ATF6: variants seen among roughly 807,000 people sequenced by gnomAD.
ATF6 encodes cyclic AMP-dependent transcription factor ATF-6 alpha.
ATF6 carries 53 observed loss-of-function variants against 83.6 expected under a neutral mutation model. The ratio of observed to expected loss-of-function variants is 0.63; its 90% CI spans 0.51 to 0.80. The LOEUF (loss-of-function observed/expected upper bound fraction) is 0.80, where lower values mean the gene tolerates loss of function less well. ATF6 is among the 30% of genes least tolerant of loss of function. The pLI, the probability that ATF6 is intolerant of heterozygous loss-of-function variation, is 0.00. For missense variants in ATF6, 744 were observed against 797.9 expected, an observed-to-expected ratio of 0.93 and a Z score of 0.81; for synonymous variants, 288 against 285.8, an observed-to-expected ratio of 1.01 and a Z score of -0.08.
At chr1:161,943,804 C>T (rs1688697472) in intron 15 of ATF6, among the ~76,000 whole-genome samples, 1 of 152,310 alleles carries the variant, frequency 6.6e-6, no homozygotes, top group Non-Finnish European at 1.5e-5. Flanking sequence ...AGTCTAGCCC[C>T]TAACATGTCA....
chr1:161,867,001 A>G (rs550079463), intron 14 of ATF6, among the ~76,000 whole-genome samples: 1 of 152,224 alleles, frequency 6.6e-6, no homozygotes, highest in African/African-American at 2.4e-5. Flanking sequence ...CTTATTTTAA[A>G]AATACTTTTG....
intron 15 of ATF6, among the ~76,000 whole-genome samples, chr1:161,926,211 G>C (rs1422334938): frequency 1.3e-5 from 2 of 152,172 alleles, no homozygotes; most frequent in Non-Finnish European, 2.9e-5. Flanking sequence ...AATAGATGAT[G>C]GGTAGTTCAT....
intron 14 of ATF6, among the ~76,000 whole-genome samples, chr1:161,885,927 T>C (rs757717618): frequency 6.6e-6 from 1 of 152,236 alleles, no homozygotes; most frequent in Non-Finnish European, 1.5e-5. Flanking sequence ...GTTTGAAGCA[T>C]TTAGTGTCCT....
chr1:161,781,489 G>T (rs1684634543), intron 2 of ATF6, among the ~76,000 whole-genome samples: 1 of 152,012 alleles, frequency 6.6e-6, no homozygotes, highest in Admixed American at 6.5e-5. Context: ...CCTGTCTTTT[G>T]GATATATCTA....
chr1:161,787,859 T>G (rs1684778899), intron 4 of ATF6, among the ~76,000 whole-genome samples: 1 of 152,240 alleles, frequency 6.6e-6, no homozygotes, highest in Admixed American at 6.5e-5. Context: ...TTTAAATTTA[T>G]GTAAATGGCA....
chr1:161,906,091 C>G (rs756261143), intron 14 of ATF6, among the ~76,000 whole-genome samples: 1 of 152,096 alleles, frequency 6.6e-6, no homozygotes, highest in Non-Finnish European at 1.5e-5. Flanking sequence ...CCTCGGCCTC[C>G]GAAAGTGCTG....
intron 15 of ATF6, 39 bp downstream of exon 15, chr1:161,912,419 C>A: frequency 1.4e-6 from 2 of 1,411,198 alleles, no homozygotes; most frequent in Non-Finnish European, 2.0e-6. Context: ...TATGAGATTT[C>A]TTTGTTTAAC....
At chr1:161,899,992 A>G (rs937872998) in intron 14 of ATF6, among the ~76,000 whole-genome samples, 48 of 152,274 alleles carry the variant, frequency 3.2e-4, no homozygotes, top group African/African-American at 1.1e-3. Context: ...CGTTTTCTCC[A>G]TGTGTCTGCA....
At chr1:161,957,916 A>C (rs1172860924) in intron 15 of ATF6, among the ~76,000 whole-genome samples, 2 of 152,180 alleles carry the variant, frequency 1.3e-5, no homozygotes, top group Admixed American at 1.3e-4. Context: ...CTTTAAATTC[A>C]TAGTTGGAAG....
intron 12 of ATF6, 42 bp from the exon 13 acceptor site, chr1:161,860,165 T>C (rs781367477): frequency 5.9e-5 from 83 of 1,399,644 alleles, no homozygotes; most frequent in Non-Finnish European, 7.9e-5. Flanking sequence ...TCATATAATT[T>C]TGTGATACAG....
At chr1:161,804,530 G>T (rs1452389579) in intron 7 of ATF6, among the ~76,000 whole-genome samples, 2 of 152,040 alleles carry the variant, frequency 1.3e-5, no homozygotes, top group African/African-American at 4.8e-5. Context: ...AGGAAAGGAA[G>T]GTTGTTATGT....
At chr1:161,815,834 G>A (rs899080454) in intron 7 of ATF6, among the ~76,000 whole-genome samples, 1 of 152,110 alleles carries the variant, frequency 6.6e-6, no homozygotes, top group Non-Finnish European at 1.5e-5. Flanking sequence ...CAGCTACTGG[G>A]GAGCCTGAGG....
At position 161,884,973 on chromosome 1, in the gene ATF6, A is replaced by G. The variant is rs1032674479; in HGVS notation, c.1719+21661A>G. 9.9e-5 allele frequency among the ~76,000 whole-genome samples: 15 copies of G among 152,272 alleles called. No individual in the cohort carries two copies. The East Asian group carries it at 2.7e-3, about 27-fold the overall frequency. On this transcript the variant is annotated intron_variant, in intron 14 of 15. Coordinates refer to ENST00000367942, the MANE Select transcript of ATF6 (RefSeq NM_007348.4). ...CTAAAAATCTAATTCCAACTAGTGA[A>G]TTTAGCATTTATAAATGGAGGTGTC...
At chr1:161,892,548 T>C (rs1166535874) in intron 14 of ATF6, among the ~76,000 whole-genome samples, 1 of 152,210 alleles carries the variant, frequency 6.6e-6, no homozygotes, top group Non-Finnish European at 1.5e-5. Flanking sequence ...CAGTTGATTT[T>C]CATTGCCCTT....
intron 9 of ATF6, among the ~76,000 whole-genome samples, chr1:161,825,428 A>G (rs1685870999): frequency 6.6e-6 from 1 of 152,236 alleles, no homozygotes; most frequent in South Asian, 2.1e-4. Flanking sequence ...CCCTGACTTC[A>G]GTCACCAGTT....
At chr1:161,775,037 C>T (rs10436881) in intron 1 of ATF6, among the ~76,000 whole-genome samples, 40,187 of 152,036 alleles carry the variant, frequency 0.26, 8,953 homozygotes, top group African/African-American at 0.61. Context: ...CCTGGAAAAT[C>T]TTGGGCCAGA....
At chr1:161,831,038 C>T (rs151149481) in intron 9 of ATF6, among the ~76,000 whole-genome samples, 42,477 of 152,066 alleles carry the variant, frequency 0.28, 7,290 homozygotes, top group Middle Eastern at 0.4. Context: ...AAAATTTTTG[C>T]AATCTACTCG....
intron 14 of ATF6, among the ~76,000 whole-genome samples, chr1:161,886,510 A>G (rs959162216): frequency 7.9e-5 from 12 of 152,202 alleles, no homozygotes; most frequent in South Asian, 2.1e-4. Context: ...ACCTAGATGT[A>G]TATCTTTGTT....
chr1:161,795,618 A>T (rs1206954078), intron 6 of ATF6, among the ~76,000 whole-genome samples: 5 of 152,262 alleles, frequency 3.3e-5, no homozygotes, highest in Admixed American at 2.6e-4. Flanking sequence ...CATAGTCAAA[A>T]AAATATATGG....
Sources: allele counts gnomAD v4.1 joint callset (sites outside exome capture counted in the v4.1 genomes callset), GRCh38; gene constraint gnomAD v4.1.1; transcripts MANE v1.5; gene names NCBI Gene and HGNC (gene_info 2026-07-23, HGNC 2026-07-21).